Variants in RBFOX1 observed in about 807,000 individuals in gnomAD.
The protein encoded by RBFOX1 is RNA binding fox-1 homolog 1.
RBFOX1 carries 8 observed loss-of-function variants against 57.7 expected under a neutral mutation model. The observed-to-expected ratio is 0.14, with a 90% CI of 0.08 to 0.25. The LOEUF (loss-of-function observed/expected upper bound fraction) is 0.25, where lower values mean the gene tolerates loss of function less well. Ranked by LOEUF, RBFOX1 falls within the 10% of genes least tolerant of loss-of-function variation. The pLI is 1.00. For missense variants in RBFOX1, 611 were observed against 548.5 expected (o/e 1.11, Z -1.14); for synonymous variants, 326 against 222.4 (o/e 1.47, Z -4.15).
At chr16:7,156,364 T>A (rs888475793) in intron 4 of RBFOX1, among the ~76,000 whole-genome samples, 2 of 152,038 alleles carry the variant, frequency 1.3e-5, no homozygotes, top group African/African-American at 4.8e-5. Context: ...TACATGCACA[T>A]ATACATATGC....
chr16:5,479,494 C>T (rs1456788460), intron 2 of RBFOX1, among the ~76,000 whole-genome samples: 2 of 152,164 alleles, frequency 1.3e-5, no homozygotes, highest in Non-Finnish European at 2.9e-5. Flanking sequence ...CATGGTGGCT[C>T]ATGCTTGTAA....
intron 1 of RBFOX1, among the ~76,000 whole-genome samples, chr16:5,444,515 A>G (rs977645185): frequency 1.3e-5 from 2 of 152,174 alleles, no homozygotes; most frequent in Non-Finnish European, 2.9e-5. Flanking sequence ...GCTCTGCGGA[A>G]CTGGCCATTA....
intron 4 of RBFOX1, among the ~76,000 whole-genome samples, chr16:7,254,423 A>G (rs903711570): frequency 4.6e-5 from 7 of 152,180 alleles, no homozygotes; most frequent in Admixed American, 6.5e-5. Context: ...TCCATTGCCA[A>G]GATATCACTG....
At chr16:6,004,170 A>C (rs2060652551) in intron 4 of RBFOX1, among the ~76,000 whole-genome samples, 1 of 152,218 alleles carries the variant, frequency 6.6e-6, no homozygotes, top group African/African-American at 2.4e-5. Context: ...CACGTCTTAC[A>C]CATGTATCCT....
intron 2 of RBFOX1, among the ~76,000 whole-genome samples, chr16:5,510,502 T>G (rs1403221796): frequency 9.1e-6 from 1 of 109,964 alleles, no homozygotes; most frequent in African/African-American, 4.0e-5. Flanking sequence ...TCCCACCAAG[T>G]TTTGGCCAAA....
intron 3 of RBFOX1, among the ~76,000 whole-genome samples, chr16:6,822,525 T>G (rs1438952263): frequency 6.6e-6 from 1 of 152,248 alleles, no homozygotes. Flanking sequence ...GCAATTCCAC[T>G]TCGTGGCTAG....
chr16:5,616,667 C>T (rs1397014189), intron 3 of RBFOX1, among the ~76,000 whole-genome samples: 1 of 109,888 alleles, frequency 9.1e-6, no homozygotes, highest in Non-Finnish European at 2.4e-5. Context: ...TCCTCCCCCT[C>T]ATCCTCCCCT....
At chr16:7,273,607 C>G (rs972609419) in intron 4 of RBFOX1, among the ~76,000 whole-genome samples, 2 of 152,238 alleles carry the variant, frequency 1.3e-5, no homozygotes, top group Admixed American at 1.3e-4. Flanking sequence ...TACTTACCTC[C>G]CAGGATTTTC....
At chr16:6,622,988 T>A (rs953778687) in intron 2 of RBFOX1, among the ~76,000 whole-genome samples, 3 of 152,192 alleles carry the variant, frequency 2.0e-5, no homozygotes, top group Non-Finnish European at 2.9e-5. Context: ...CAATTAAAGA[T>A]TAGCTATTTT....
chr16:6,759,962 G>T (rs28690482), intron 3 of RBFOX1, among the ~76,000 whole-genome samples: 8,163 of 152,236 alleles, frequency 0.054, 285 homozygotes, highest in Admixed American at 0.083. Context: ...AGGATATTTT[G>T]TATCAGCCCT....
rs181327619 is a variant in RBFOX1 at position 7,342,366 on chromosome 16, G to T, written c.28-175781G>T. Among the ~76,000 whole-genome samples, 136 of 152,304 alleles carry T rather than the reference G, an allele frequency of 8.9e-4. 2 individuals are homozygous for T. Among genetic ancestry groups the T allele is most frequent in the Non-Finnish European group, 4.4e-4 (30 of 68,028 alleles). On this transcript the variant is annotated intron_variant, in intron 4 of 15. Coordinates refer to ENST00000550418, the MANE Select transcript of RBFOX1 (RefSeq NM_018723.4). Reference sequence around the variant, plus strand: ...CATCTGAGTTGGCATCCTGGCTCCTGTGTGATGCGGGGCTTCAGCTCTCTG... The same window carrying T: ...CATCTGAGTTGGCATCCTGGCTCCTTTGTGATGCGGGGCTTCAGCTCTCTG...
chr16:7,050,371 T>C (rs1175933783), intron 3 of RBFOX1, among the ~76,000 whole-genome samples: 2 of 151,786 alleles, frequency 1.3e-5, no homozygotes, highest in Non-Finnish European at 2.9e-5. Flanking sequence ...GTTCAAGTGA[T>C]TCTCCTGCTT....
At chr16:7,067,951 A>G (rs986754618) in intron 4 of RBFOX1, among the ~76,000 whole-genome samples, 1 of 121,188 alleles carries the variant, frequency 8.3e-6, no homozygotes, top group African/African-American at 3.2e-5. Flanking sequence ...AGAGGGCGCC[A>G]TTTTTTTTTT....
chr16:6,567,765 A>G (rs573976342), intron 2 of RBFOX1, among the ~76,000 whole-genome samples: 16 of 152,170 alleles, frequency 1.1e-4, no homozygotes, highest in Admixed American at 9.2e-4. Context: ...GTCCATACAA[A>G]GCAACAAATT....
intron 1 of RBFOX1, among the ~76,000 whole-genome samples, chr16:6,286,741 C>T (rs1377713592): frequency 6.6e-6 from 1 of 152,228 alleles, no homozygotes. Context: ...ACAGGCTCAC[C>T]TGGGTAGCAG....
chr16:5,918,006 C>G (rs1567145633), intron 4 of RBFOX1, among the ~76,000 whole-genome samples: 1 of 152,192 alleles, frequency 6.6e-6, no homozygotes, highest in East Asian at 1.9e-4. Context: ...TAGAGTGCAG[C>G]TTGATCCTCG....
chr16:6,599,627 C>T lies in RBFOX1; in HGVS notation c.-63-54976C>T, dbSNP rs556708422. 6.1e-4 allele frequency among the ~76,000 whole-genome samples: 93 copies of T among 152,202 alleles called. 1 individual carries two copies. Among genetic ancestry groups the T allele is most frequent in the African/African-American group, 1.7e-3 (70 of 41,530 alleles). On this transcript the variant is annotated intron_variant, in intron 2 of 15. Transcript: ENST00000550418. ...TGTAAATCAGGCTAATCTTTTTATT[C>T]CTTTACTAGTGACACTAATACTATT... is the stretch of plus-strand genomic sequence containing the variant.
At chr16:5,568,895 C>G (rs1172549722) in intron 2 of RBFOX1, among the ~76,000 whole-genome samples, 1 of 152,122 alleles carries the variant, frequency 6.6e-6, no homozygotes, top group African/African-American at 2.4e-5. Flanking sequence ...GGTTGGAGTG[C>G]AGTGACGCGA....
At chr16:7,030,169 G>A (rs761944244) in intron 3 of RBFOX1, among the ~76,000 whole-genome samples, 1 of 152,160 alleles carries the variant, frequency 6.6e-6, no homozygotes, top group Non-Finnish European at 1.5e-5. Context: ...GCTTTGTTCT[G>A]AGATATGTCC....
Sources: allele counts gnomAD v4.1 joint callset (sites outside exome capture counted in the v4.1 genomes callset), GRCh38; gene constraint gnomAD v4.1.1; transcripts MANE v1.5; gene names NCBI Gene and HGNC (gene_info 2026-07-23, HGNC 2026-07-21).